TAFA1: variants seen among roughly 807,000 people sequenced by gnomAD.
TAFA1 encodes the protein chemokine-like protein TAFA-1.
In TAFA1, 4 loss-of-function variants were observed where a neutral mutation model predicts 18.5. That is an observed-to-expected ratio of 0.22 (90% CI 0.11 to 0.49). TAFA1 has a LOEUF of 0.49. Ranked by LOEUF, TAFA1 falls within the 20% of genes least tolerant of loss-of-function variation. TAFA1 has a pLI of 0.98. For missense variants in TAFA1, 147 were observed against 169.0 expected (o/e 0.87, Z 0.72); for synonymous variants, 56 against 55.2 (o/e 1.01, Z -0.06).
At chr3:68,503,313 C>T (rs1246336109) in intron 3 of TAFA1, among the ~76,000 whole-genome samples, 1 of 152,028 alleles carries the variant, frequency 6.6e-6, no homozygotes, top group Non-Finnish European at 1.5e-5. Context: ...ACTGCAAAAC[C>T]CAAAAAACCT....
chr3:67,997,539 T>C, the TAFA1 span, among the ~76,000 whole-genome samples: 3 of 152,198 alleles, frequency 2.0e-5, no homozygotes, highest in Non-Finnish European at 4.4e-5. Flanking sequence ...GTTTTTCTAC[T>C]ATTTCTGGAA....
intron 2 of TAFA1, among the ~76,000 whole-genome samples, chr3:68,358,959 C>T (rs262240): frequency 0.49 from 73,516 of 151,474 alleles, 18,271 homozygotes; most frequent in East Asian, 0.73. Flanking sequence ...AATCAGGTAT[C>T]ATCTTCTGTC....
At chr3:68,215,034 A>G (rs1257868319) in intron 2 of TAFA1, among the ~76,000 whole-genome samples, 1 of 152,064 alleles carries the variant, frequency 6.6e-6, no homozygotes, top group Admixed American at 6.6e-5. Context: ...ATATCAATAT[A>G]AAGCTCCATA....
intron 2 of TAFA1, among the ~76,000 whole-genome samples, chr3:68,180,867 A>G (rs1453291897): frequency 6.6e-6 from 1 of 152,144 alleles, no homozygotes; most frequent in South Asian, 2.1e-4. Flanking sequence ...TTTATTCTGG[A>G]AAAAACAACC....
Position 68,493,806 on chromosome 3 carries a change from G to GT in TAFA1, c.260-44947dup, listed in dbSNP as rs2072495846. ...GGCTGATGAAACATTACTTTTATAAGTTTATGACGTTTTCCTGCCCCATTC... is the reference window on the plus strand; with the variant it reads ...GGCTGATGAAACATTACTTTTATAAGTTTTATGACGTTTTCCTGCCCCATTC... On this transcript the variant is annotated intron_variant, in intron 3 of 4. Coordinates refer to ENST00000478136, the MANE Select transcript of TAFA1 (RefSeq NM_213609.4). Among the ~76,000 whole-genome samples, 14 of 152,134 alleles carry GT rather than the reference G, an allele frequency of 9.2e-5. 1 individual carries two copies. Among genetic ancestry groups the GT allele is most frequent in the Admixed American group, 6.5e-4 (10 of 15,274 alleles).
chr3:68,499,523 T>C (rs1352979898), intron 3 of TAFA1, among the ~76,000 whole-genome samples: 1 of 146,870 alleles, frequency 6.8e-6, no homozygotes, highest in East Asian at 2.1e-4. Flanking sequence ...AGATCATAAA[T>C]ATCTTCAATT....
At chr3:68,231,662 T>C (rs1422483251) in intron 2 of TAFA1, among the ~76,000 whole-genome samples, 3 of 152,112 alleles carry the variant, frequency 2.0e-5, no homozygotes, top group African/African-American at 7.2e-5. Context: ...GCCCGGCCAA[T>C]CTATTTGATT....
chr3:68,459,372 A>G (rs1455805979), intron 3 of TAFA1, among the ~76,000 whole-genome samples: 4 of 152,216 alleles, frequency 2.6e-5, no homozygotes, highest in Non-Finnish European at 4.4e-5. Context: ...GTTATTGGAA[A>G]AATTCTTCCC....
rs548917768 is a variant in TAFA1, at chr3:68,202,995, C to G, written c.118+196251C>G. Among the ~76,000 whole-genome samples, 3 of 151,800 alleles carry G rather than the reference C, an allele frequency of 2.0e-5. No individual in the cohort carries two copies. The East Asian group carries it at 5.9e-4, about 30-fold the overall frequency. On this transcript the variant is annotated intron_variant, in intron 2 of 4. Transcript: ENST00000478136. ...TTAACACTTCTTTAAGGCATGTTTG[C>G]TGACTAATTCCCTCAGTTTGTGGTT...
At chr3:68,490,616 A>C (rs1661922859) in intron 3 of TAFA1, among the ~76,000 whole-genome samples, 1 of 152,176 alleles carries the variant, frequency 6.6e-6, no homozygotes, top group South Asian at 2.1e-4. Context: ...AGAGATTTAA[A>C]AATCATAAAA....
At chr3:68,361,255 C>T (rs1305623443) in intron 2 of TAFA1, among the ~76,000 whole-genome samples, 1 of 151,806 alleles carries the variant, frequency 6.6e-6, no homozygotes, top group Non-Finnish European at 1.5e-5. Context: ...AAGATAGATG[C>T]CATATGTTCT....
At chr3:68,264,532 T>G (rs946859523) in intron 2 of TAFA1, among the ~76,000 whole-genome samples, 1 of 152,126 alleles carries the variant, frequency 6.6e-6, no homozygotes, top group Non-Finnish European at 1.5e-5. Context: ...TGACAGAGGA[T>G]GGGTAGGTAG....
At chr3:68,070,042 G>T (rs372527930) in intron 2 of TAFA1, among the ~76,000 whole-genome samples, 328 of 152,310 alleles carry the variant, frequency 2.2e-3, no homozygotes, top group African/African-American at 7.6e-3. Flanking sequence ...TCTGGGGACT[G>T]GGGGATGATT....
intron 3 of TAFA1, among the ~76,000 whole-genome samples, chr3:68,441,043 G>C (rs1195720809): frequency 6.6e-6 from 1 of 152,138 alleles, no homozygotes; most frequent in Non-Finnish European, 1.5e-5. Flanking sequence ...GGTCTGTCGA[G>C]ATATTCTTTC....
chr3:68,539,258 C>T (rs1036115067), intron 4 of TAFA1, among the ~76,000 whole-genome samples: 2 of 152,298 alleles, frequency 1.3e-5, no homozygotes, highest in Middle Eastern at 3.4e-3. Context: ...CGTTTAAGTA[C>T]ACCTACAGAA....
chr3:68,362,214 A>G (rs1327685682), intron 2 of TAFA1, among the ~76,000 whole-genome samples: 1 of 152,106 alleles, frequency 6.6e-6, no homozygotes, highest in East Asian at 1.9e-4. Context: ...GAAGATGGAA[A>G]CATGATTTGT....
chr3:68,143,227 A>G (rs748797197), intron 2 of TAFA1, among the ~76,000 whole-genome samples: 2 of 152,208 alleles, frequency 1.3e-5, no homozygotes, highest in Non-Finnish European at 2.9e-5. Flanking sequence ...CTGGAAGAAT[A>G]GAGATTAACC....
At position 68,121,249 on chromosome 3, in the gene TAFA1, ATGTGTGTGTG is replaced by A. The variant is rs67968765; in HGVS notation, c.118+114537_118+114546del. ...ATTTAGACTTCTCAAATGTACATTA[ATGTGTGTGTG>A]TGTGTGTGTGTGTGTGTGTGTGTGT... On this transcript the variant is annotated intron_variant, in intron 2 of 4. Coordinates refer to ENST00000478136, the MANE Select transcript of TAFA1 (RefSeq NM_213609.4). Among the ~76,000 whole-genome samples the A allele has an allele frequency of 2.7e-3, 395 of 147,620 alleles. 2 individuals carry two copies. The highest frequency in any genetic ancestry group is 0.017 in the Middle Eastern group (5 of 292).
intron 2 of TAFA1, among the ~76,000 whole-genome samples, chr3:68,358,891 C>CTTCAGT (rs1559632367): frequency 6.6e-6 from 1 of 151,300 alleles, no homozygotes; most frequent in African/African-American, 2.4e-5. Context: ...CTGTTTCCAG[C>CTTCAGT]CTACCTAAGA....
Sources: allele counts gnomAD v4.1 joint callset (sites outside exome capture counted in the v4.1 genomes callset), GRCh38; gene constraint gnomAD v4.1.1; transcripts MANE v1.5; gene names NCBI Gene and HGNC (gene_info 2026-07-23, HGNC 2026-07-21).